Variants in MAP3K19 observed in about 807,000 individuals in gnomAD.
MAP3K19 encodes the protein mitogen-activated protein kinase kinase kinase 19, also known as SPS1/STE20-related protein kinase YSK4.
In MAP3K19, 91 loss-of-function variants were observed where a neutral mutation model predicts 114.4. That is an observed-to-expected ratio of 0.80 (90% confidence interval 0.67 to 0.95). The LOEUF is 0.95. Among genes scored for constraint, MAP3K19 ranks in the 40% least tolerant of loss-of-function variants. MAP3K19 has a pLI of 0.00. For missense variants in MAP3K19, 1,471 were observed against 1,573.2 expected, an observed-to-expected ratio of 0.94 and a Z score of 1.10; for synonymous variants, 518 against 530.5, an observed-to-expected ratio of 0.98 and a Z score of 0.32.
intron 5 of MAP3K19, among the ~76,000 whole-genome samples, chr2:135,012,943 CCTTG>C: frequency 7.3e-6 from 1 of 137,122 alleles, no homozygotes; most frequent in East Asian, 2.2e-4. Flanking sequence ...ACCCCCAAAC[CCTTG>C]TTTGTTTGTT....
chr2:134,991,311 A>G (rs1445998549), intron 9 of MAP3K19: 1 of 518,116 alleles, frequency 1.9e-6, no homozygotes, highest in African/African-American at 2.0e-5. Context: ...AAAAAACAAA[A>G]CAAAACAAAA....
intron 3 of MAP3K19, among the ~76,000 whole-genome samples, chr2:135,027,331 AAGAAAGAAAGAAAGAAAGAG>A (rs1214152031): frequency 0.025 from 2,252 of 90,220 alleles, 51 homozygotes; most frequent in African/African-American, 0.14. Flanking sequence ...CAGAGAAATA[AAGAAAGAAAGAAAGAAAGAG>A]AGAAAGAAAG....
intron 5 of MAP3K19, among the ~76,000 whole-genome samples, chr2:135,009,421 T>G (rs1687061662): frequency 6.6e-6 from 1 of 152,192 alleles, no homozygotes; most frequent in Non-Finnish European, 1.5e-5. Context: ...ATAGTTTTTG[T>G]GTAGATCCTT....
At chr2:135,017,625 G>C (rs1170566204) in intron 5 of MAP3K19, among the ~76,000 whole-genome samples, 2 of 152,112 alleles carry the variant, frequency 1.3e-5, no homozygotes, top group African/African-American at 4.8e-5. Context: ...AAACCCTCCT[G>C]TTTTTCAACC....
At chr2:135,000,056 G>T in intron 6 of MAP3K19, 41 bp from the exon 7 acceptor site, 1 of 1,310,268 alleles carries the variant, frequency 7.6e-7, no homozygotes, top group Non-Finnish European at 1.1e-6. Context: ...AGAAAGTAAT[G>T]AATTCCAGCG....
intron 8 of MAP3K19, 104 bp from the exon 9 acceptor site, chr2:134,991,684 GA>G: frequency 1.1e-6 from 1 of 921,776 alleles, no homozygotes; most frequent in Non-Finnish European, 1.7e-6. Flanking sequence ...GGGGTCTGAG[GA>G]AAAGTTGTAG....
chr2:134,996,810 G>A, intron 8 of MAP3K19, among the ~76,000 whole-genome samples: 1 of 152,170 alleles, frequency 6.6e-6, no homozygotes. Context: ...CAAGATGGGA[G>A]GATCACTTTA....
intron 8 of MAP3K19, among the ~76,000 whole-genome samples, chr2:134,993,886 C>T (rs1445783746): frequency 2.0e-5 from 3 of 152,174 alleles, no homozygotes; most frequent in African/African-American, 7.2e-5. Context: ...TGCCATGCAC[C>T]TGTACTCCCA....
chr2:135,027,343 AAGAAAG>A (rs199758642), intron 3 of MAP3K19, among the ~76,000 whole-genome samples: 363 of 146,582 alleles, frequency 2.5e-3, no homozygotes, highest in African/African-American at 9.2e-3. Flanking sequence ...GAAAGAAAGA[AAGAAAG>A]AGAGAAAGAA....
Position 134,985,975 on chromosome 2 carries a change from G to C in MAP3K19, c.2897C>G (p.Thr966Arg), listed in dbSNP as rs891618468. Reference sequence around the variant, plus strand: ...AGCTAGACAACCTAATAGTTCATCTGTCAATTCTTCATTATTTACAGAGTC... The same window carrying C: ...AGCTAGACAACCTAATAGTTCATCTCTCAATTCTTCATTATTTACAGAGTC... The part of the protein sequence containing the change: ...IMDSVNNEEL[T>R]DELLGCLAAE... Residue 966 changes from threonine (T) to arginine (R), a missense_variant, in exon 10 of 13, where the codon ACA becomes AGA. Coordinates refer to ENST00000392915, the MANE Select transcript of MAP3K19 (RefSeq NM_025052.5). 1 of 1,613,796 alleles carries C rather than the reference G, an allele frequency of 6.2e-7. No individual in the cohort carries two copies. Among genetic ancestry groups the C allele is most frequent in the Admixed American group, 1.7e-5 (1 of 59,982 alleles).
At chr2:134,967,415 T>A (rs1416064782) in intron 12 of MAP3K19, among the ~76,000 whole-genome samples, 1 of 152,212 alleles carries the variant, frequency 6.6e-6, no homozygotes, top group African/African-American at 2.4e-5. Context: ...GGCCGCTGCA[T>A]CCTGCCTGCC....
chr2:134,968,595 G>A (rs1333223209), intron 12 of MAP3K19, among the ~76,000 whole-genome samples: 1 of 151,190 alleles, frequency 6.6e-6, no homozygotes, highest in Non-Finnish European at 1.5e-5. Context: ...TTCTCAGACG[G>A]GGCGGTTGCC....
intron 6 of MAP3K19, among the ~76,000 whole-genome samples, chr2:135,000,771 G>A (rs375113667): frequency 1.3e-5 from 2 of 152,140 alleles, no homozygotes; most frequent in African/African-American, 2.4e-5. Flanking sequence ...CCGGGAGGAC[G>A]CAATGCTTGC....
intron 8 of MAP3K19, among the ~76,000 whole-genome samples, chr2:134,998,447 A>G (rs1464098976): frequency 2.6e-5 from 4 of 152,252 alleles, no homozygotes; most frequent in African/African-American, 4.8e-5. Flanking sequence ...AATCTAAACA[A>G]TAAGATATTC....
At chr2:135,008,089 C>A (rs1686957971) in intron 5 of MAP3K19, among the ~76,000 whole-genome samples, 1 of 151,168 alleles carries the variant, frequency 6.6e-6, no homozygotes, top group Non-Finnish European at 1.5e-5. Context: ...TTTAAAATTT[C>A]TTTCCTTCAA....
At chr2:135,021,591 C>T in intron 5 of MAP3K19, 124 bp downstream of exon 5, 1 of 596,240 alleles carries the variant, frequency 1.7e-6, no homozygotes, top group East Asian at 2.9e-5. Context: ...ACCAAATATG[C>T]TTTTTTATGA....
rs1407712681 is a variant in MAP3K19, at chr2:135,021,845, A to G, written c.23-15T>C. 6.7e-7 allele frequency: 1 copy of G among 1,482,454 alleles called. No homozygotes were observed. The highest frequency in any genetic ancestry group is 1.8e-5 in the Admixed American group (1 of 55,690). The allele number at this position is 1,482,454 out of a possible 1,614,324, so 91.8% of individuals were successfully genotyped here. A position where few individuals can be genotyped will look rare whatever the true frequency, so the allele number is the denominator to read the frequency against. On this transcript the variant is annotated splice_polypyrimidine_tract_variant and intron_variant, in intron 4 of 12. Transcript: ENST00000392915. ...AGCATGTCTTTCTATCAAAAGAAAC[A>G]TAATAGTATGTTTTGATAAGATTCA...
intron 2 of MAP3K19, 56 bp downstream of exon 2, chr2:135,040,307 C>T (rs916531875): frequency 2.6e-5 from 4 of 152,648 alleles, no homozygotes; most frequent in African/African-American, 9.7e-5. Context: ...ATCTCACTCT[C>T]AGAATCCTTA....
At chr2:135,044,345 CT>C (rs1688698837) in intron 1 of MAP3K19, among the ~76,000 whole-genome samples, 1 of 152,284 alleles carries the variant, frequency 6.6e-6, no homozygotes, top group African/African-American at 2.4e-5. Flanking sequence ...AATCCCAGCA[CT>C]TTGGGAGGCC....
Sources: allele counts gnomAD v4.1 joint callset (sites outside exome capture counted in the v4.1 genomes callset), GRCh38; gene constraint gnomAD v4.1.1; transcripts MANE v1.5; gene names NCBI Gene and HGNC (gene_info 2026-07-23, HGNC 2026-07-21).